SCN3A: variants seen among roughly 807,000 people sequenced by gnomAD.
The protein encoded by SCN3A is sodium channel protein type 3 subunit alpha.
A neutral mutation model predicts 187.6 loss-of-function variants in SCN3A; 60 were observed. That is an observed-to-expected ratio of 0.32 (90% CI 0.26 to 0.40). The LOEUF (loss-of-function observed/expected upper bound fraction) is 0.40, where lower values mean the gene tolerates loss of function less well. SCN3A is among the 10% of genes least tolerant of loss of function. The pLI, the probability that SCN3A is intolerant of heterozygous loss-of-function variation, is 1.00. For synonymous variants in SCN3A, 788 were observed against 829.2 expected, an observed-to-expected ratio of 0.95 and a Z score of 0.85; for missense variants, 1,601 against 2,428.2, an observed-to-expected ratio of 0.66 and a Z score of 7.16.
intron 1 of SCN3A, among the ~76,000 whole-genome samples, chr2:165,190,907 T>C (rs908441113): frequency 2.6e-5 from 4 of 152,026 alleles, no homozygotes; most frequent in Admixed American, 2.6e-4. Context: ...GGCTAACTTC[T>C]TGTTAAAACA....
Position 165,097,440 on chromosome 2 carries a change from T to C in SCN3A, c.4051A>G (p.Ile1351Val). 1 of 1,614,124 alleles carries C rather than the reference T, an allele frequency of 6.2e-7. No homozygotes were observed. Among genetic ancestry groups the C allele is most frequent in the Non-Finnish European group, 8.5e-7 (1 of 1,180,012 alleles). ...VCLIFWLIFS[I>V]MGVNLFAGKF... ...CCAGCAAACAAATTCACACCCATGA[T>C]GCTAAAGATCAACCAGAAGATGAGA... Residue 1351 changes from isoleucine (I) to valine (V), a missense_variant, in exon 23 of 28, where the codon ATC (isoleucine) becomes GTC (valine). Around this residue, in one of 11 missense-constraint regions of SCN3A, gnomAD observed 320 missense variants for 623.2 expected, o/e 0.51. Coordinates refer to ENST00000283254, the MANE Select transcript of SCN3A (RefSeq NM_006922.4).
intron 21 of SCN3A, among the ~76,000 whole-genome samples, chr2:165,102,150 A>G (rs989124124): frequency 6.6e-6 from 1 of 152,238 alleles, no homozygotes; most frequent in African/African-American, 2.4e-5. Flanking sequence ...TATTTGAGAC[A>G]TGGGATTTTA....
At chr2:165,134,690 A>C (rs1185091289) in intron 15 of SCN3A, among the ~76,000 whole-genome samples, 1 of 152,040 alleles carries the variant, frequency 6.6e-6, no homozygotes, top group African/African-American at 2.4e-5. Flanking sequence ...TTTTTTTCAA[A>C]TAGTGAGTTT....
chr2:165,143,899 G>T (rs1688168182), intron 12 of SCN3A, among the ~76,000 whole-genome samples: 1 of 152,182 alleles, frequency 6.6e-6, no homozygotes, highest in Non-Finnish European at 1.5e-5. Context: ...AGATGTTCTA[G>T]TGGGAACAAG....
At chr2:165,186,121 A>G (rs1691216574) in intron 2 of SCN3A, among the ~76,000 whole-genome samples, 2 of 151,994 alleles carry the variant, frequency 1.3e-5, no homozygotes, top group South Asian at 4.1e-4. Flanking sequence ...AATACAAAAA[A>G]CTAGCCGGGC....
chr2:165,197,456 CT>C (rs1277351738), intron 1 of SCN3A, among the ~76,000 whole-genome samples: 2 of 152,026 alleles, frequency 1.3e-5, no homozygotes, highest in Non-Finnish European at 2.9e-5. Flanking sequence ...AAGCATTGCT[CT>C]TTTTTAAGTT....
chr2:165,198,475 T>C (rs1692111177), intron 1 of SCN3A, among the ~76,000 whole-genome samples: 1 of 152,064 alleles, frequency 6.6e-6, no homozygotes, highest in Non-Finnish European at 1.5e-5. Context: ...TGCCTACACA[T>C]GTGTTTTATT....
At chr2:165,175,669 T>TA (rs1690405452) in intron 3 of SCN3A, among the ~76,000 whole-genome samples, 1 of 152,150 alleles carries the variant, frequency 6.6e-6, no homozygotes, top group Non-Finnish European at 1.5e-5. Context: ...ATTGTCTGGC[T>TA]ACAGGAGGAT....
chr2:165,096,141 A>G (rs1685354735), intron 24 of SCN3A, among the ~76,000 whole-genome samples: 1 of 152,120 alleles, frequency 6.6e-6, no homozygotes, highest in Admixed American at 6.6e-5. Flanking sequence ...GCTGCTTCAC[A>G]GAGTCTGGTT....
chr2:165,152,883 C>T (rs1242976157), intron 11 of SCN3A, among the ~76,000 whole-genome samples: 2 of 151,212 alleles, frequency 1.3e-5, no homozygotes, highest in African/African-American at 4.9e-5. Flanking sequence ...AACAAACCTG[C>T]ATGTTGTGCA....
Position 165,168,594 on chromosome 2 carries a change from A to AGCT in SCN3A, c.473+141_473+142insAGC. The AGCT allele has an allele frequency of 5.8e-6, 4 of 690,130 alleles. No homozygotes were observed. In the Admixed American group the frequency reaches 8.6e-5, roughly 15 times the overall value. 42.8% of individuals were successfully genotyped at this position (690,130 alleles called of 1,614,324 possible). On this transcript the variant is annotated intron_variant, in intron 5 of 27. Coordinates refer to ENST00000283254, the MANE Select transcript of SCN3A (RefSeq NM_006922.4). Reference sequence around the variant, plus strand: ...TCGTAGAAGAATAGCTCCCCCAAAGAACTTCCCTTATCTTCTTTCATATTA... The same window carrying AGCT: ...TCGTAGAAGAATAGCTCCCCCAAAGAGCTACTTCCCTTATCTTCTTTCATATTA...
chr2:165,142,140 C>T (rs898848312), intron 12 of SCN3A, among the ~76,000 whole-genome samples: 39 of 152,286 alleles, frequency 2.6e-4, no homozygotes, highest in African/African-American at 8.9e-4. Flanking sequence ...TCCTACTTCT[C>T]TTCACACCCA....
chr2:165,128,221 T>C (rs1035589403), intron 17 of SCN3A, 120 bp from the exon 18 acceptor site: 94 of 815,430 alleles, frequency 1.2e-4, no homozygotes, highest in Non-Finnish European at 1.7e-4. Flanking sequence ...ATTGAATGCT[T>C]ACTATATTTC....
At chr2:165,114,719 A>T (rs531932387) in intron 19 of SCN3A, among the ~76,000 whole-genome samples, 4 of 152,354 alleles carry the variant, frequency 2.6e-5, no homozygotes, top group Admixed American at 2.0e-4. Context: ...GCTCTAGCCA[A>T]AGCACATTAA....
intron 1 of SCN3A, among the ~76,000 whole-genome samples, chr2:165,198,347 C>T (rs1336667549): frequency 6.6e-6 from 1 of 151,960 alleles, no homozygotes; most frequent in Non-Finnish European, 1.5e-5. Flanking sequence ...TGTAGCTGTG[C>T]TTCTAAATAT....
chr2:165,161,158 T>TTTTTG, intron 9 of SCN3A, among the ~76,000 whole-genome samples: 1 of 136,996 alleles, frequency 7.3e-6, no homozygotes, highest in South Asian at 2.3e-4. Flanking sequence ...TTTTTTTTTT[T>TTTTTG]TTTTGTTTTG....
At chr2:165,099,742 CA>C (rs543478443) in intron 22 of SCN3A, among the ~76,000 whole-genome samples, 174 of 151,978 alleles carry the variant, frequency 1.1e-3, no homozygotes, top group African/African-American at 4.0e-3. Context: ...ACAAAAAAAC[CA>C]AAAAACTCTG....
At chr2:165,108,625 TGACTG>T (rs1218168138) in intron 21 of SCN3A, among the ~76,000 whole-genome samples, 2 of 152,164 alleles carry the variant, frequency 1.3e-5, no homozygotes, top group East Asian at 3.8e-4. Context: ...TTCTCAGAGA[TGACTG>T]CAAAAATTGA....
At chr2:165,187,871 A>T (rs952522082) in intron 1 of SCN3A, among the ~76,000 whole-genome samples, 1 of 152,222 alleles carries the variant, frequency 6.6e-6, no homozygotes, top group Non-Finnish European at 1.5e-5. Flanking sequence ...ATTGTTACAT[A>T]AATTTATAAT....
Sources: gnomAD v4.1 joint callset for allele counts (sites outside exome capture counted in the v4.1 genomes callset) on GRCh38, gnomAD v4.1.1 for gene constraint, gnomAD v4.1.1 regional missense constraint, MANE v1.5 for transcripts, NCBI Gene and HGNC (gene_info 2026-07-23, HGNC 2026-07-21) for gene names.